HLCS: variants seen among roughly 807,000 people sequenced by gnomAD.
HLCS encodes the protein holocarboxylase synthetase, also known as biotin--protein ligase.
HLCS carries 53 observed loss-of-function variants against 75.0 expected under a neutral mutation model. The observed-to-expected ratio is 0.71, with a 90% CI of 0.57 to 0.89. The LOEUF (loss-of-function observed/expected upper bound fraction) is 0.89. Ranked by LOEUF, HLCS falls within the 40% of genes least tolerant of loss-of-function variation. The pLI is 0.00. For missense variants in HLCS, 966 were observed against 1,074.0 expected (o/e 0.90, Z 1.41); for synonymous variants, 431 against 428.6 (o/e 1.01, Z -0.07).
chr21:36,987,885 TAAGTG>T (rs543612262), intron 1 of HLCS, among the ~76,000 whole-genome samples: 136 of 152,316 alleles, frequency 8.9e-4, no homozygotes, highest in Non-Finnish European at 1.3e-3. Flanking sequence ...CACTACCAAC[TAAGTG>T]AAGTACAAAA....
At chr21:36,889,338 C>T (rs2064674814) in intron 6 of HLCS, among the ~76,000 whole-genome samples, 1 of 152,232 alleles carries the variant, frequency 6.6e-6, no homozygotes, top group Admixed American at 6.5e-5. Context: ...TCACCACACA[C>T]TGCGGTTTCA....
At chr21:36,805,373 C>T (rs920949070) in intron 6 of HLCS, among the ~76,000 whole-genome samples, 1 of 152,236 alleles carries the variant, frequency 6.6e-6, no homozygotes, top group African/African-American at 2.4e-5. Context: ...CCTTCCTCCT[C>T]CCAGGCCGCA....
chr21:36,956,610 G>A lies in HLCS; in HGVS notation c.330+5426C>T, dbSNP rs1487152157. 1.2e-4 allele frequency among the ~76,000 whole-genome samples: 18 copies of A among 151,950 alleles called. No homozygotes were observed. The South Asian group carries it at 3.4e-3, about 28-fold the overall frequency. ...CCGGGTGTGGTGGTGGGCGCCTGTA[G>A]TCCCAGCTACTCGGGAGGCTGAGGC... On this transcript the variant is annotated intron_variant, in intron 2 of 10. Transcript: ENST00000674895.
intron 5 of HLCS, among the ~76,000 whole-genome samples, chr21:36,913,733 TC>T (rs1466463054): frequency 6.6e-6 from 1 of 152,084 alleles, no homozygotes; most frequent in East Asian, 1.9e-4. Flanking sequence ...ACTGCAACAC[TC>T]CAGCCTGGGC....
At chr21:36,959,088 C>T (rs1172131782) in intron 2 of HLCS, among the ~76,000 whole-genome samples, 2 of 152,198 alleles carry the variant, frequency 1.3e-5, no homozygotes, top group Non-Finnish European at 2.9e-5. Flanking sequence ...ATAACTGCAG[C>T]CTCCCAGCCA....
chr21:36,849,772 G>C (rs1445548309), intron 6 of HLCS, among the ~76,000 whole-genome samples: 1 of 152,192 alleles, frequency 6.6e-6, no homozygotes, highest in Non-Finnish European at 1.5e-5. Context: ...TCCTTCCAGT[G>C]CATTTCTTTT....
intron 6 of HLCS, among the ~76,000 whole-genome samples, chr21:36,802,229 G>A (rs1182796309): frequency 6.6e-6 from 1 of 152,106 alleles, no homozygotes; most frequent in Non-Finnish European, 1.5e-5. Flanking sequence ...TTTCCCACAA[G>A]GCCTCCAAGA....
chr21:36,920,157 C>G (rs1057056981), intron 5 of HLCS, among the ~76,000 whole-genome samples: 1 of 152,038 alleles, frequency 6.6e-6, no homozygotes, highest in African/African-American at 2.4e-5. Context: ...AAAAGTAAGA[C>G]TCCATCTCTA....
intron 6 of HLCS, among the ~76,000 whole-genome samples, chr21:36,824,128 A>G (rs2061935020): frequency 6.6e-6 from 1 of 152,246 alleles, no homozygotes; most frequent in African/African-American, 2.4e-5. Flanking sequence ...AAAAATACAA[A>G]AAAAGTGCAC....
chr21:36,805,502 G>A (rs2061335459), intron 6 of HLCS, among the ~76,000 whole-genome samples: 1 of 152,136 alleles, frequency 6.6e-6, no homozygotes, highest in African/African-American at 2.4e-5. Context: ...CTAATTAAGG[G>A]CCCCTCTTGT....
intron 6 of HLCS, among the ~76,000 whole-genome samples, chr21:36,788,305 C>T (rs2060754899): frequency 6.6e-6 from 1 of 152,238 alleles, no homozygotes; most frequent in African/African-American, 2.4e-5. Context: ...AGGGCCCGCC[C>T]AAGAGTGAGG....
At chr21:36,820,561 G>A (rs769740563) in intron 6 of HLCS, among the ~76,000 whole-genome samples, 1 of 152,194 alleles carries the variant, frequency 6.6e-6, no homozygotes, top group South Asian at 2.1e-4. Context: ...TGCTCAGGGC[G>A]GCGCTGACAT....
chr21:36,825,639 C>G (rs1263596945), intron 6 of HLCS, among the ~76,000 whole-genome samples: 1 of 152,142 alleles, frequency 6.6e-6, no homozygotes, highest in Non-Finnish European at 1.5e-5. Context: ...TCACCCCCGC[C>G]CCAGGACTCT....
chr21:36,807,390 G>T lies in HLCS; in HGVS notation c.1893-40105C>A, dbSNP rs117310277. The stretch of plus-strand genomic sequence containing the variant: ...TTATTACTGTTCATCATTCATTCAG[G>T]GCCCACAAAAGCGAGAGCATCTCCA... On this transcript the variant is annotated intron_variant, in intron 6 of 10. Transcript: ENST00000674895. 2.3e-3 allele frequency among the ~76,000 whole-genome samples: 345 copies of T among 152,238 alleles called. 4 individuals are homozygous for T. Among genetic ancestry groups the T allele is most frequent in the Middle Eastern group, 6.8e-3 (2 of 294 alleles).
intron 10 of HLCS, among the ~76,000 whole-genome samples, chr21:36,755,474 T>C (rs527258453): frequency 6.6e-6 from 1 of 152,270 alleles, no homozygotes; most frequent in Middle Eastern, 3.4e-3. Context: ...AAATACTTTA[T>C]CTCCTGAGAA....
intron 10 of HLCS, among the ~76,000 whole-genome samples, chr21:36,755,420 A>G (rs1317516980): frequency 6.6e-6 from 1 of 152,134 alleles, no homozygotes; most frequent in East Asian, 1.9e-4. Context: ...GTGAAAATAA[A>G]AAAAGTTTTT....
At chr21:36,775,408 T>C (rs2060326637) in intron 6 of HLCS, among the ~76,000 whole-genome samples, 1 of 152,230 alleles carries the variant, frequency 6.6e-6, no homozygotes. Context: ...AAATACTAGA[T>C]GCCTGCGCAT....
intron 6 of HLCS, among the ~76,000 whole-genome samples, chr21:36,889,307 A>C (rs1269127361): frequency 1.3e-5 from 2 of 152,252 alleles, no homozygotes; most frequent in East Asian, 3.8e-4. Flanking sequence ...AATTGGCGTA[A>C]GCAAGTTTAT....
intron 1 of HLCS, among the ~76,000 whole-genome samples, chr21:36,973,064 C>A (rs4817838): frequency 9.3e-5 from 14 of 150,470 alleles, no homozygotes; most frequent in East Asian, 2.0e-4. Flanking sequence ...AAAAAAAAAA[C>A]AAAACATTTT....
Sources: gnomAD v4.1 joint callset for allele counts (sites outside exome capture counted in the v4.1 genomes callset) on GRCh38, gnomAD v4.1.1 for gene constraint, MANE v1.5 for transcripts, NCBI Gene and HGNC (gene_info 2026-07-23, HGNC 2026-07-21) for gene names.